The following HMGXB4 variants were observed in gnomAD, a reference collection of about 807,000 sequenced individuals.
HMGXB4 encodes the protein HMG domain-containing protein 4.
In HMGXB4, 27 loss-of-function variants were observed where a neutral mutation model predicts 63.9. The observed-to-expected ratio is 0.42, with a 90% confidence interval of 0.31 to 0.58. The LOEUF is 0.58. Ranked by LOEUF, HMGXB4 falls within the 20% of genes least tolerant of loss-of-function variation. The pLI is 0.13. For missense variants in HMGXB4, 624 were observed against 700.7 expected (o/e 0.89, Z 1.24); for synonymous variants, 264 against 265.3 (o/e 0.99, Z 0.05).
At chr22:35,241,897 C>T in the HMGXB4 span, among the ~76,000 whole-genome samples, 142,752 of 151,986 alleles carry the variant, frequency 0.94, 67,091 homozygotes, top group Admixed American at 0.96. Context: ...AGCCTCAGCA[C>T]GCTGCTCTGT....
chr22:35,264,926 G>C lies in HMGXB4; in HGVS notation c.538G>C (p.Glu180Gln), dbSNP rs1923103640. Residue 180 changes from glutamate to glutamine, a missense_variant, in exon 5 of 11, where the codon GAG becomes CAG. Physicochemically the swap from Glu to Gln is conservative, Grantham distance 29. Around this residue, in one of 2 missense-constraint regions of HMGXB4, gnomAD observed 472 missense variants for 470.6 expected, o/e 1.00. Coordinates refer to ENST00000216106, the MANE Select transcript of HMGXB4 (RefSeq NM_001003681.3). ...KKMKPLYVNT[E>Q]TLTLREPDGL... ...AATGAAACCTCTCTATGTGAACACAGAGACACTGACCCTTCGGGAGCCTGA... is the reference window on the plus strand; with the variant it reads ...AATGAAACCTCTCTATGTGAACACACAGACACTGACCCTTCGGGAGCCTGA... 1.2e-6 allele frequency: 2 copies of C among 1,614,070 alleles called. No individual in the cohort carries two copies. The highest frequency in any genetic ancestry group is 1.7e-6 in the Non-Finnish European group (2 of 1,180,048).
rs1569008721 is a variant in HMGXB4 at position 35,293,634 on chromosome 22, A to C, written c.1789A>C (p.Ile597Leu). ...LSNTLDNIAYIMPGL is the reference protein window; with the variant it reads ...LSNTLDNIAYLMPGL The stretch of plus-strand genomic sequence containing the variant: ...AAACACATTAGACAACATTGCTTAC[A>C]TCATGCCGGGACTGTGACAGCAAAG... Residue 597 changes from isoleucine (I) to leucine (L), a missense_variant, in exon 11 of 11, where the codon ATC becomes CTC. By Grantham distance (5) the Ile-to-Leu change is conservative (BLOSUM62 2). Around this residue, in one of 2 missense-constraint regions of HMGXB4, gnomAD observed 152 missense variants for 230.1 expected, o/e 0.66. Coordinates refer to ENST00000216106, the MANE Select transcript of HMGXB4 (RefSeq NM_001003681.3). 4 of 1,612,386 alleles carry C rather than the reference A, an allele frequency of 2.5e-6. No homozygotes were observed. The highest frequency in any genetic ancestry group is 3.4e-6 in the Non-Finnish European group (4 of 1,178,414).
intron 5 of HMGXB4, among the ~76,000 whole-genome samples, chr22:35,280,490 C>T (rs73883594): frequency 2.3e-4 from 35 of 152,278 alleles, no homozygotes; most frequent in African/African-American, 7.7e-4. Context: ...ATTTGCTTTT[C>T]TCCCAACCCA....
chr22:35,288,433 C>A, intron 9 of HMGXB4, 26 bp downstream of exon 9: 1 of 1,528,042 alleles, frequency 6.5e-7, no homozygotes, highest in Non-Finnish European at 8.9e-7. Context: ...AGCAGCATGA[C>A]TACAGTTTCC....
chr22:35,273,893 T>A (rs1473753564), intron 5 of HMGXB4, among the ~76,000 whole-genome samples: 3 of 152,206 alleles, frequency 2.0e-5, no homozygotes, highest in African/African-American at 7.2e-5. Flanking sequence ...AATGGGGAAT[T>A]AGCACCCAGC....
chr22:35,242,775 G>A, the HMGXB4 span, among the ~76,000 whole-genome samples: 3 of 151,648 alleles, frequency 2.0e-5, no homozygotes, highest in African/African-American at 4.9e-5. Flanking sequence ...TTTCCCTCTC[G>A]GCCCGCCTTT....
rs1284904085 is a variant in HMGXB4 at position 35,264,708 on chromosome 22, A to G, written c.320A>G (p.Asp107Gly). ...AAAAAGTCCAGCCCACAGTCTACTG[A>G]TACAGCTATGGACCTGTTGAAAGCT... ...KKKKSSPQST[D>G]TAMDLLKAIT... The change falls in exon 5 of 11, where the codon GAT (aspartate) becomes GGT (glycine). Residue 107 changes from aspartate to glycine, a missense_variant. Physicochemically the swap from Asp to Gly is moderately conservative, Grantham distance 94. Coordinates refer to ENST00000216106, the MANE Select transcript of HMGXB4 (RefSeq NM_001003681.3). 5.0e-6 allele frequency: 8 copies of G among 1,610,512 alleles called. No homozygotes were observed. The East Asian group carries it at 1.8e-4, about 36-fold the overall frequency.
At chr22:35,272,324 C>T (rs1923654000) in intron 5 of HMGXB4, among the ~76,000 whole-genome samples, 3 of 151,752 alleles carry the variant, frequency 2.0e-5, no homozygotes, top group Non-Finnish European at 4.4e-5. Flanking sequence ...TGGAAGTGAA[C>T]GCAGCAGCGG....
chr22:35,261,441 A>AC (rs1922851176), intron 1 of HMGXB4, among the ~76,000 whole-genome samples: 2 of 151,956 alleles, frequency 1.3e-5, no homozygotes, highest in South Asian at 4.2e-4. Context: ...ATCTCAAAAA[A>AC]AAAAAAAAAA....
In HMGXB4 at chr22:35,263,110, A is replaced by G. The variant is rs755841286; in HGVS notation, c.64A>G (p.Ile22Val). ...TGATGGTGATCATACCTTTGAGGAC[A>G]TAGGACTTGCAGCTGGCCGAAGCCA... ...CFDGDHTFED[I>V]GLAAGRSQRE... Residue 22 changes from isoleucine to valine, a missense_variant, in exon 3 of 11, where the codon ATA becomes GTA. Ile to Val is a conservative substitution (Grantham distance 29). Around this residue, in one of 2 missense-constraint regions of HMGXB4, gnomAD observed 472 missense variants for 470.6 expected, o/e 1.00. Coordinates refer to ENST00000216106, the MANE Select transcript of HMGXB4 (RefSeq NM_001003681.3). 6.8e-6 allele frequency: 11 copies of G among 1,614,096 alleles called. No homozygotes were observed. In the South Asian group the frequency reaches 1.1e-4, roughly 16 times the overall value.
upstream of HMGXB4, among the ~76,000 whole-genome samples, chr22:35,253,600 T>TGTGC (rs760964059): frequency 6.6e-6 from 1 of 151,046 alleles, no homozygotes; most frequent in Non-Finnish European, 1.5e-5. Flanking sequence ...TTGGATTTTG[T>TGTGC]GCGCGCGCGC....
At chr22:35,248,705 G>A in the HMGXB4 span, among the ~76,000 whole-genome samples, 29 of 152,170 alleles carry the variant, frequency 1.9e-4, no homozygotes, top group Admixed American at 4.6e-4. Flanking sequence ...ACACCCGGCT[G>A]GTCCCAGACT....
chr22:35,256,845 T>G (rs1922434979), upstream of HMGXB4, among the ~76,000 whole-genome samples: 1 of 152,234 alleles, frequency 6.6e-6, no homozygotes, highest in South Asian at 2.1e-4. Flanking sequence ...TAATTTCTAC[T>G]CATTGGTCGA....
chr22:35,263,300 G>GTT (rs878951590), intron 3 of HMGXB4, 74 bp downstream of exon 3: 5,321 of 852,892 alleles, frequency 6.2e-3, no homozygotes, highest in Non-Finnish European at 7.2e-3. Flanking sequence ...GTTTTTTTTT[G>GTT]TTTTTTTTTT....
In HMGXB4 at chr22:35,264,821, AAGG is replaced by A; in HGVS notation, c.436_438del (p.Glu146del). ...CTCTTCAAGCCATTCGGAGAGTAAA[AAGG>A]AGCACCACAGGAAGAAAGTCAGTGG... On this transcript the variant is annotated inframe_deletion, in exon 5 of 11. Coordinates refer to ENST00000216106, the MANE Select transcript of HMGXB4 (RefSeq NM_001003681.3). 6.2e-7 allele frequency: 1 copy of A among 1,614,108 alleles called. No homozygotes were observed. The highest frequency in any genetic ancestry group is 2.2e-5 in the East Asian group (1 of 44,890).
chr22:35,286,062 G>C lies in HMGXB4; in HGVS notation c.1362+1G>C. The C allele has an allele frequency of 1.3e-6, 2 of 1,598,656 alleles. No individual in the cohort carries two copies. Among genetic ancestry groups the C allele is most frequent in the Non-Finnish European group, 1.7e-6 (2 of 1,172,172 alleles). Reference sequence around the variant, plus strand: ...GCAATTACCAGAAAAAGACAAACTGGTAAGTACATTTTCTTACAAACATAT... The same window carrying C: ...GCAATTACCAGAAAAAGACAAACTGCTAAGTACATTTTCTTACAAACATAT... On this transcript the variant is annotated splice_donor_variant, in intron 7 of 10. Coordinates refer to ENST00000216106, the MANE Select transcript of HMGXB4 (RefSeq NM_001003681.3). LOFTEE classifies it high-confidence loss of function.
chr22:35,255,723 T>C (rs1377169796), upstream of HMGXB4, among the ~76,000 whole-genome samples: 2 of 152,236 alleles, frequency 1.3e-5, no homozygotes, highest in Non-Finnish European at 2.9e-5. Context: ...AGCCAATAAA[T>C]TCCCCTCTTC....
intron 5 of HMGXB4, among the ~76,000 whole-genome samples, chr22:35,277,120 C>T (rs554412305): frequency 5.9e-5 from 9 of 152,242 alleles, no homozygotes; most frequent in African/African-American, 2.2e-4. Flanking sequence ...GTTCTCTGCT[C>T]AGGGTCTCGC....
chr22:35,263,718 AATC>A, intron 3 of HMGXB4, 75 bp from the exon 4 acceptor site: 1 of 976,246 alleles, frequency 1.0e-6, no homozygotes, highest in Non-Finnish European at 1.6e-6. Flanking sequence ...CAAAATCAAA[AATC>A]ATCAAAGACA....
Sources: allele counts gnomAD v4.1 joint callset (sites outside exome capture counted in the v4.1 genomes callset), GRCh38; gene constraint gnomAD v4.1.1; regional missense constraint gnomAD v4.1.1; transcripts MANE v1.5; gene names NCBI Gene and HGNC (gene_info 2026-07-23, HGNC 2026-07-21).